CPB2: variants seen among roughly 807,000 people sequenced by gnomAD.
CPB2 encodes carboxypeptidase B-like protein.
Under a neutral mutation model 57.0 loss-of-function variants are expected in CPB2, and 54 were observed. The observed-to-expected ratio is 0.95, with a 90% CI of 0.76 to 1.19. The LOEUF is 1.19. Among genes scored for constraint, CPB2 ranks in the 50% most tolerant of loss-of-function variants. CPB2 has a pLI of 0.00. For missense variants in CPB2, 426 were observed against 512.0 expected, an observed-to-expected ratio of 0.83 and a Z score of 1.62; for synonymous variants, 189 against 178.1, an observed-to-expected ratio of 1.06 and a Z score of -0.49.
chr13:46,095,362 T>A (rs1340710576), intron 1 of CPB2, among the ~76,000 whole-genome samples: 2 of 151,580 alleles, frequency 1.3e-5, no homozygotes, highest in Non-Finnish European at 1.5e-5. Context: ...ATGACAAATA[T>A]CAGTACCACC....
intron 3 of CPB2, 66 bp from the exon 4 acceptor site, chr13:46,082,615 TGCAGGCACA>T: frequency 1.0e-6 from 1 of 961,882 alleles, no homozygotes; most frequent in Non-Finnish European, 1.7e-6. Flanking sequence ...CATGGCCCAT[TGCAGGCACA>T]GCAGGTGAGC....
chr13:46,087,852 T>C lies in CPB2; in HGVS notation c.75-32A>G, dbSNP rs74995743. ...AAAAAAATAAAAGAGGATTTTGATA[T>C]TAAATAAAGAGTAAAGATGGAATAT... On this transcript the variant is annotated intron_variant, in intron 1 of 10. Coordinates refer to ENST00000181383, the MANE Select transcript of CPB2 (RefSeq NM_001872.5). 2.6e-3 allele frequency: 3,777 copies of C among 1,428,732 alleles called. 86 individuals carry two copies. In the African/African-American group the frequency reaches 0.047, roughly 18 times the overall value. 88.5% of individuals were successfully genotyped at this position (1,428,732 alleles called of 1,614,324 possible). A position where few individuals can be genotyped will look rare whatever the true frequency, so the allele number is the denominator to read the frequency against.
At chr13:46,099,616 TG>T (rs900871950) in intron 1 of CPB2, 4 of 152,196 alleles carry the variant, frequency 2.6e-5, no homozygotes, top group African/African-American at 7.2e-5. Context: ...ATAATATGTC[TG>T]GGGGGACTTT....
chr13:46,094,623 G>T (rs561441958), intron 1 of CPB2, among the ~76,000 whole-genome samples: 35 of 152,268 alleles, frequency 2.3e-4, no homozygotes, highest in African/African-American at 7.9e-4. Flanking sequence ...AACAAGTTGG[G>T]CACAGTTATT....
chr13:46,053,855 CT>C, intron 10 of CPB2, 57 bp from the exon 11 acceptor site: 1 of 1,511,836 alleles, frequency 6.6e-7, no homozygotes, highest in Non-Finnish European at 9.1e-7. Context: ...AATTTACAAA[CT>C]GGGAATTGTT....
In CPB2 at chr13:46,086,196, G is replaced by T. The variant is rs556565288; in HGVS notation, c.150+1549C>A. 9.8e-4 allele frequency among the ~76,000 whole-genome samples: 149 copies of T among 152,254 alleles called. 1 individual carries two copies. Among genetic ancestry groups the T allele is most frequent in the South Asian group, 5.6e-3 (27 of 4,826 alleles). On this transcript the variant is annotated intron_variant, in intron 2 of 10. Coordinates refer to ENST00000181383, the MANE Select transcript of CPB2 (RefSeq NM_001872.5). The stretch of plus-strand genomic sequence containing the variant: ...TTCTTAGGTCTGAGCTCCCCAAAAG[G>T]CTGCAGCTCTTCTCTCCTTCTTGTC...
intron 9 of CPB2, among the ~76,000 whole-genome samples, chr13:46,056,918 G>A (rs1377326189): frequency 6.6e-6 from 1 of 152,138 alleles, no homozygotes; most frequent in Admixed American, 6.5e-5. Context: ...CATTAGTGAA[G>A]CCATCCCTTG....
At chr13:46,093,048 G>T (rs1313232439) in intron 1 of CPB2, among the ~76,000 whole-genome samples, 1 of 152,166 alleles carries the variant, frequency 6.6e-6, no homozygotes, top group Non-Finnish European at 1.5e-5. Flanking sequence ...GAGTAGCTGG[G>T]ATTACAGGCG....
rs756960778 is a variant in CPB2, at chr13:46,064,656, T to G, written c.788A>C (p.His263Pro). Reference protein sequence around the residue: ...TDLNRNFASKHWCEEGASSSS... With the variant: ...TDLNRNFASKPWCEEGASSSS... ...TAAAGCCAACAACCTACCACACCAG[T>G]GTTTGGAAGCAAAGTTCCTATTCAG... Residue 263 changes from histidine (H) to proline (P), a missense_variant, in exon 8 of 11, where the codon CAC (histidine) becomes CCC (proline). By Grantham distance (77) the His-to-Pro change is moderately conservative. Coordinates refer to ENST00000181383, the MANE Select transcript of CPB2 (RefSeq NM_001872.5). The G allele has an allele frequency of 6.2e-7, 1 of 1,613,740 alleles. No individual in the cohort carries two copies. The highest frequency in any genetic ancestry group is 8.5e-7 in the Non-Finnish European group (1 of 1,179,638).
At chr13:46,070,851 C>A (rs1400277227) in intron 6 of CPB2, among the ~76,000 whole-genome samples, 1 of 152,122 alleles carries the variant, frequency 6.6e-6, no homozygotes, top group Non-Finnish European at 1.5e-5. Context: ...CTCTGCAACC[C>A]AAAATTGTAT....
At chr13:46,073,382 G>T in intron 6 of CPB2, 1 of 640,084 alleles carries the variant, frequency 1.6e-6, no homozygotes, top group Non-Finnish European at 1.9e-6. Context: ...CTTTTTTGAT[G>T]CAAAACCCTT....
intron 2 of CPB2, among the ~76,000 whole-genome samples, chr13:46,084,973 C>G (rs2045179338): frequency 6.6e-6 from 1 of 151,922 alleles, no homozygotes; most frequent in Non-Finnish European, 1.5e-5. Flanking sequence ...GCCTCAGCCT[C>G]CCGGGTAGCT....
In CPB2 at chr13:46,087,158, G is replaced by A. The variant is rs377127366; in HGVS notation, c.150+587C>T. Among the ~76,000 whole-genome samples the A allele has an allele frequency of 8.5e-5, 13 of 152,256 alleles. No homozygotes were observed. The East Asian group carries it at 2.3e-3, about 27-fold the overall frequency. ...GGATGTCCAGGTCTGTAGCTGCAGC[G>A]GGCAGCTGCAGCTGCGCCTGGGGAG... On this transcript the variant is annotated intron_variant, in intron 2 of 10. Transcript: ENST00000181383.
In CPB2 at chr13:46,064,578, A is replaced by G. The variant is rs955224363; in HGVS notation, c.796+70T>C. 70 of 1,230,538 alleles carry G rather than the reference A, an allele frequency of 5.7e-5. 1 individual carries two copies. In the South Asian group the frequency reaches 8.4e-4, roughly 15 times the overall value. 76.2% of individuals were successfully genotyped at this position (1,230,538 alleles called of 1,614,324 possible). On this transcript the variant is annotated intron_variant, in intron 8 of 10. Coordinates refer to ENST00000181383, the MANE Select transcript of CPB2 (RefSeq NM_001872.5). ...CCAGCTCTGTATTTAATTTGAATTC[A>G]TGGGCCTTTCCCTGTGAACATCACC...
chr13:46,099,895 C>T (rs749695137), intron 1 of CPB2: 9 of 152,044 alleles, frequency 5.9e-5, no homozygotes, highest in Non-Finnish European at 1.0e-4. Context: ...CATAGTAGCT[C>T]ACACCTGTAG....
intron 1 of CPB2, chr13:46,098,882 G>C (rs776589462): frequency 6.6e-6 from 1 of 152,168 alleles, no homozygotes; most frequent in Admixed American, 6.5e-5. Context: ...TTCCTTTCCA[G>C]TAAACTTCCT....
chr13:46,092,712 A>G (rs2045310835), intron 1 of CPB2, among the ~76,000 whole-genome samples: 1 of 152,168 alleles, frequency 6.6e-6, no homozygotes, highest in Non-Finnish European at 1.5e-5. Context: ...CAAGTATAGG[A>G]TACGGGTGTT....
chr13:46,066,579 T>C (rs1179175667), intron 7 of CPB2, among the ~76,000 whole-genome samples: 3 of 152,142 alleles, frequency 2.0e-5, no homozygotes, highest in Non-Finnish European at 4.4e-5. Context: ...GCGAGGTGGC[T>C]CATGCCTGTA....
intron 4 of CPB2, among the ~76,000 whole-genome samples, chr13:46,080,579 C>T (rs1350372186): frequency 6.6e-6 from 1 of 152,086 alleles, no homozygotes. Flanking sequence ...CAACATGAGG[C>T]CCTTAGAGTG....
Sources: gnomAD v4.1 joint callset for allele counts (sites outside exome capture counted in the v4.1 genomes callset) on GRCh38, gnomAD v4.1.1 for gene constraint, MANE v1.5 for transcripts, NCBI Gene and HGNC (gene_info 2026-07-23, HGNC 2026-07-21) for gene names.